Variants in FHIT observed in about 807,000 individuals in gnomAD.
FHIT encodes fragile histidine triad diadenosine triphosphatase.
FHIT carries 19 observed loss-of-function variants against 17.9 expected under a neutral mutation model. The observed-to-expected ratio is 1.06, with a 90% CI of 0.74 to 1.56. The LOEUF is 1.56. FHIT is among the 40% of genes most tolerant of loss of function. The pLI is 0.00. For missense variants in FHIT, 248 were observed against 189.2 expected (o/e 1.31, Z -1.82); for synonymous variants, 81 against 69.7 (o/e 1.16, Z -0.81).
At chr3:60,289,336 G>C (rs912184982) in intron 5 of FHIT, among the ~76,000 whole-genome samples, 1 of 152,034 alleles carries the variant, frequency 6.6e-6, no homozygotes, top group Admixed American at 6.6e-5. Context: ...CTAGATAAAT[G>C]GATTTACAGA....
chr3:60,426,566 C>G (rs1372129598), intron 5 of FHIT, among the ~76,000 whole-genome samples: 1 of 152,092 alleles, frequency 6.6e-6, no homozygotes, highest in Non-Finnish European at 1.5e-5. Flanking sequence ...CCTTATAGCT[C>G]AAAACCTGAC....
At chr3:59,925,565 A>G (rs1385802580) in intron 7 of FHIT, among the ~76,000 whole-genome samples, 1 of 152,088 alleles carries the variant, frequency 6.6e-6, no homozygotes, top group Non-Finnish European at 1.5e-5. Context: ...TCCCCTGCCT[A>G]CTATTCTTTA....
At position 60,059,797 on chromosome 3, in the gene FHIT, C is replaced by T. The variant is rs191200861; in HGVS notation, c.104-45645G>A. Among the ~76,000 whole-genome samples the T allele has an allele frequency of 3.4e-3, 524 of 152,260 alleles. 4 individuals carry two copies. Among genetic ancestry groups the T allele is most frequent in the Middle Eastern group, 0.014 (4 of 294 alleles). On this transcript the variant is annotated intron_variant, in intron 5 of 9. Transcript: ENST00000492590. ...AGCTCCCCCCATTCTTGTTGGGTCT[C>T]CCCTTCTAGTACAAGACTCCTTGTA...
chr3:61,212,206 G>C (rs765172941), intron 1 of FHIT, among the ~76,000 whole-genome samples: 3 of 152,186 alleles, frequency 2.0e-5, no homozygotes, highest in Admixed American at 1.3e-4. Context: ...ACTACTCCGA[G>C]CTAAAGGAGG....
intron 3 of FHIT, among the ~76,000 whole-genome samples, chr3:60,887,713 G>T (rs1705296666): frequency 6.6e-6 from 1 of 152,100 alleles, no homozygotes; most frequent in African/African-American, 2.4e-5. Context: ...CCAAAAAAGG[G>T]TTCTGACTTC....
At chr3:61,016,794 G>T (rs1203032497) in intron 3 of FHIT, among the ~76,000 whole-genome samples, 5 of 152,172 alleles carry the variant, frequency 3.3e-5, no homozygotes, top group Admixed American at 2.0e-4. Context: ...CAAACTAAAG[G>T]CAAATTCATG....
chr3:61,071,103 A>G (rs545065912), intron 2 of FHIT, among the ~76,000 whole-genome samples: 1 of 152,204 alleles, frequency 6.6e-6, no homozygotes, highest in Non-Finnish European at 1.5e-5. Flanking sequence ...GCCTTGTACA[A>G]TTAATACAAG....
intron 4 of FHIT, among the ~76,000 whole-genome samples, chr3:60,559,730 C>T (rs1355973285): frequency 1.5e-5 from 2 of 137,610 alleles, no homozygotes; most frequent in African/African-American, 2.7e-5. Context: ...AACCTCCCAG[C>T]TCTAGAAGAT....
intron 2 of FHIT, among the ~76,000 whole-genome samples, chr3:61,187,999 C>A (rs2038576771): frequency 6.6e-6 from 1 of 152,094 alleles, no homozygotes; most frequent in Non-Finnish European, 1.5e-5. Context: ...AAAATTGACA[C>A]CCTAACATCA....
intron 4 of FHIT, among the ~76,000 whole-genome samples, chr3:60,810,266 C>T (rs539298678): frequency 3.9e-5 from 6 of 152,174 alleles, no homozygotes; most frequent in Non-Finnish European, 8.8e-5. Flanking sequence ...GAATTATAAA[C>T]AAAACAAGAA....
Position 60,588,921 on chromosome 3 carries a change from C to A in FHIT, c.-17-51942G>T, listed in dbSNP as rs560440103. ...CCAAGTTTAAGAATTCAGCATTTAG[C>A]TCCAGGAAAAATTGGTCATAAATAT... On this transcript the variant is annotated intron_variant, in intron 4 of 9. Coordinates refer to ENST00000492590, the MANE Select transcript of FHIT (RefSeq NM_002012.4). Among the ~76,000 whole-genome samples the A allele has an allele frequency of 4.4e-3, 662 of 152,134 alleles. 1 individual carries two copies. Among genetic ancestry groups the A allele is most frequent in the Non-Finnish European group, 6.5e-3 (443 of 67,964 alleles).
chr3:59,887,291 G>T (rs573492688), intron 8 of FHIT, among the ~76,000 whole-genome samples: 50 of 152,250 alleles, frequency 3.3e-4, no homozygotes, highest in African/African-American at 1.2e-3. Flanking sequence ...ATCTCTGTTC[G>T]CTGGAGTCTG....
intron 5 of FHIT, among the ~76,000 whole-genome samples, chr3:60,521,459 G>A (rs1463418865): frequency 6.6e-6 from 1 of 152,084 alleles, no homozygotes; most frequent in Non-Finnish European, 1.5e-5. Context: ...GTGTTAGCCA[G>A]GATGGTCTCG....
intron 7 of FHIT, among the ~76,000 whole-genome samples, chr3:59,974,561 C>A (rs1708327793): frequency 6.6e-6 from 1 of 152,130 alleles, no homozygotes; most frequent in Non-Finnish European, 1.5e-5. Flanking sequence ...GTGCTTAATA[C>A]TGTGACATTT....
chr3:60,503,672 G>T (rs1477551478), intron 5 of FHIT, among the ~76,000 whole-genome samples: 1 of 152,056 alleles, frequency 6.6e-6, no homozygotes, highest in Non-Finnish European at 1.5e-5. Context: ...TGAAAATGAA[G>T]TTAATGAATA....
intron 2 of FHIT, among the ~76,000 whole-genome samples, chr3:61,184,324 C>G (rs1228273949): frequency 6.6e-6 from 1 of 152,094 alleles, no homozygotes; most frequent in East Asian, 1.9e-4. Flanking sequence ...CATTCCAAGA[C>G]AGCCAGAGGA....
chr3:59,990,497 G>C (rs1709177832), intron 7 of FHIT, among the ~76,000 whole-genome samples: 1 of 152,052 alleles, frequency 6.6e-6, no homozygotes, highest in Non-Finnish European at 1.5e-5. Flanking sequence ...AAGCAGATGA[G>C]GGGAACCCGC....
At chr3:59,952,288 CTG>C (rs1707155912) in intron 7 of FHIT, among the ~76,000 whole-genome samples, 1 of 152,238 alleles carries the variant, frequency 6.6e-6, no homozygotes, top group Non-Finnish European at 1.5e-5. Flanking sequence ...ACCACCCACA[CTG>C]TGCATTAAGT....
intron 2 of FHIT, among the ~76,000 whole-genome samples, chr3:61,066,685 T>A (rs902447797): frequency 1.3e-5 from 2 of 152,108 alleles, no homozygotes; most frequent in Non-Finnish European, 2.9e-5. Flanking sequence ...TGCACCCCAG[T>A]TGGCAGCAAG....
Sources: gnomAD v4.1 joint callset for allele counts (sites outside exome capture counted in the v4.1 genomes callset) on GRCh38, gnomAD v4.1.1 for gene constraint, MANE v1.5 for transcripts, NCBI Gene and HGNC (gene_info 2026-07-23, HGNC 2026-07-21) for gene names.